The following GALE variants were observed in gnomAD, a reference collection of about 807,000 sequenced individuals.
GALE encodes UDP-galactose-4-epimerase.
In GALE, 32 loss-of-function variants were observed where a neutral mutation model predicts 44.1. The ratio of observed to expected loss-of-function variants is 0.73; its 90% CI spans 0.55 to 0.97. The LOEUF (loss-of-function observed/expected upper bound fraction) is 0.97. Ranked by LOEUF, GALE falls within the 50% of genes least tolerant of loss-of-function variation. The pLI, the probability that GALE is intolerant of heterozygous loss-of-function variation, is 0.00. For synonymous variants in GALE, 182 were observed against 183.5 expected (o/e 0.99, Z 0.06); for missense variants, 423 against 455.6 (o/e 0.93, Z 0.65).
Position 23,795,862 on chromosome 1 carries a change from C to T in GALE, c.*87G>A. The T allele has an allele frequency of 2.2e-6, 3 of 1,384,760 alleles. No individual in the cohort carries two copies. The highest frequency in any genetic ancestry group is 3.1e-6 in the Non-Finnish European group (3 of 982,428). 85.8% of individuals were successfully genotyped at this position (1,384,760 alleles called of 1,614,324 possible). A position where few individuals can be genotyped will look rare whatever the true frequency, so the allele number is the denominator to read the frequency against. On this transcript the variant is annotated 3_prime_UTR_variant, in exon 12 of 12. Coordinates refer to ENST00000617979, the MANE Select transcript of GALE (RefSeq NM_001008216.2). ...GAGGTAGGGGAGGCCTTGGCTTGGC[C>T]CCAGCAGCTCCAGGGCCCTGAGTTC... is the stretch of plus-strand genomic sequence containing the variant.
At chr1:23,800,172 C>T in intron 1 of GALE, 1 of 152,430 alleles carries the variant, frequency 6.6e-6, no homozygotes, top group Middle Eastern at 3.4e-3. Context: ...CTGGCGACAG[C>T]GGGCTGGAAT....
Position 23,796,311 on chromosome 1 carries a change from C to G in GALE, c.874-46G>C. ...GGAGCTTAGCTGAGCCGGCCCTGGC[C>G]CAGCTGCTGGCCAGGTCTTTAAGAA... On this transcript the variant is annotated intron_variant, in intron 10 of 11. Transcript: ENST00000617979. The surrounding 1 kb of genome is among the most constrained non-coding windows in gnomAD (Gnocchi z 5.2). 1 of 1,565,784 alleles carries G rather than the reference C, an allele frequency of 6.4e-7. No individual in the cohort carries two copies. The highest frequency in any genetic ancestry group is 8.8e-7 in the Non-Finnish European group (1 of 1,135,926).
At chr1:23,797,551 AG>A in intron 6 of GALE, 143 bp downstream of exon 6, 1 of 791,002 alleles carries the variant, frequency 1.3e-6, no homozygotes, top group Admixed American at 2.1e-5. Context: ...AGAAACAAGC[AG>A]GGGATGGGGC....
In GALE at chr1:23,797,018, T is replaced by C. The variant is rs1197705143; in HGVS notation, c.642+16A>G. On this transcript the variant is annotated intron_variant, in intron 7 of 11. Transcript: ENST00000617979. Reference sequence around the variant, plus strand: ...AACCCCAGGGCCACTCCTCTGTCCCTTCCCTTTTGCCTTACCTGGGAGACA... The same window carrying C: ...AACCCCAGGGCCACTCCTCTGTCCCCTCCCTTTTGCCTTACCTGGGAGACA... 1 of 1,610,316 alleles carries C rather than the reference T, an allele frequency of 6.2e-7. No homozygotes were observed. The highest frequency in any genetic ancestry group is 8.5e-7 in the Non-Finnish European group (1 of 1,177,800).
intron 6 of GALE, 54 bp downstream of exon 6, chr1:23,797,641 C>T (rs537346423): frequency 3.8e-6 from 6 of 1,563,720 alleles, no homozygotes; most frequent in Non-Finnish European, 5.3e-6. Flanking sequence ...TCAGGGTGGG[C>T]CCTGAGGAGT....
chr1:23,797,970 T>C lies in GALE; in HGVS notation c.352-99A>G, dbSNP rs1639013581. On this transcript the variant is annotated intron_variant, in intron 5 of 11. Transcript: ENST00000617979. ...AATGGGGCTGAGGTGATGAGCACTC[T>C]CATTTACAGATGGGGAAACTGAGAC... 3.6e-6 allele frequency: 5 copies of C among 1,386,714 alleles called. No individual in the cohort carries two copies. In the East Asian group the frequency reaches 1.1e-4, roughly 32 times the overall value. 85.9% of individuals were successfully genotyped at this position (1,386,714 alleles called of 1,614,324 possible). A position where few individuals can be genotyped will look rare whatever the true frequency, so the allele number is the denominator to read the frequency against.
intron 6 of GALE, among the ~76,000 whole-genome samples, 164 bp from the exon 7 acceptor site, chr1:23,797,311 C>T (rs1638990585): frequency 6.6e-6 from 1 of 152,118 alleles, no homozygotes; most frequent in South Asian, 2.1e-4. Flanking sequence ...CTCTGCCTTC[C>T]AGGTTCAAGC....
Position 23,798,767 on chromosome 1 carries a change from G to T in GALE, c.122-37C>A. 1 of 1,606,738 alleles carries T rather than the reference G, an allele frequency of 6.2e-7. No homozygotes were observed. Among genetic ancestry groups the T allele is most frequent in the Non-Finnish European group, 8.5e-7 (1 of 1,173,222 alleles). On this transcript the variant is annotated intron_variant, in intron 3 of 11. Coordinates refer to ENST00000617979, the MANE Select transcript of GALE (RefSeq NM_001008216.2). The surrounding 1 kb of genome is among the most constrained non-coding windows in gnomAD (Gnocchi z 4.5). Reference sequence around the variant, plus strand: ...CATGTAGGCCACATCATCACGACATGGGGTGCTGTGTTCCCAGGGACTAGC... The same window carrying T: ...CATGTAGGCCACATCATCACGACATTGGGTGCTGTGTTCCCAGGGACTAGC...
intron 2 of GALE, 48 bp downstream of exon 2, chr1:23,799,318 G>A: frequency 2.3e-6 from 1 of 431,604 alleles, no homozygotes; most frequent in Non-Finnish European, 4.3e-6. Flanking sequence ...CCACAGCAGA[G>A]CTGGGGAGAC....
Position 23,796,709 on chromosome 1 carries a change from C to G in GALE, c.783G>C (p.Gln261His). Reference sequence around the variant, plus strand: ...CTTCTCTTCCTACCCGGCAGCCACACTGTTCTTTCAGCTTCCTTAAGGCTG... The same window carrying G: ...CTTCTCTTCCTACCCGGCAGCCACAGTGTTCTTTCAGCTTCCTTAAGGCTG... ...HIAALRKLKE[Q>H]CGCRIYNLGT... The change falls in exon 9 of 12, where the codon CAG (glutamine) becomes CAC (histidine). Residue 261 changes from glutamine (Q) to histidine (H), a missense_variant. By Grantham distance (24) the Gln-to-His change is conservative (BLOSUM62 0). Coordinates refer to ENST00000617979, the MANE Select transcript of GALE (RefSeq NM_001008216.2). The surrounding 1 kb of genome is among the most constrained non-coding windows in gnomAD (Gnocchi z 5.2). 1.9e-6 allele frequency: 3 copies of G among 1,613,322 alleles called. No homozygotes were observed. Among genetic ancestry groups the G allele is most frequent in the Non-Finnish European group, 2.5e-6 (3 of 1,179,708 alleles).
chr1:23,799,130 C>A, intron 2 of GALE, 118 bp from the exon 3 acceptor site: 1 of 1,380,934 alleles, frequency 7.2e-7, no homozygotes, highest in East Asian at 2.4e-5. Flanking sequence ...GCCCTAGGTA[C>A]CAGACTGGCT....
rs1408002510 is a variant in GALE at position 23,798,608 on chromosome 1, C to T, written c.237+7G>A. 1 of 1,600,882 alleles carries T rather than the reference C, an allele frequency of 6.2e-7. No individual in the cohort carries two copies. The highest frequency in any genetic ancestry group is 2.2e-5 in the East Asian group (1 of 44,822). ...GGCGTGAGCCACCGTGCCCAGCCTG[C>T]ACCCACCTTTTTGAAGAGACGCTGT... On this transcript the variant is annotated splice_region_variant and intron_variant, in intron 4 of 11. Coordinates refer to ENST00000617979, the MANE Select transcript of GALE (RefSeq NM_001008216.2). This position sits in a 1 kb window ranked among gnomAD's most constrained non-coding sequence, Gnocchi z 4.5.
In GALE at chr1:23,797,107, C is replaced by T. The variant is rs1427994746; in HGVS notation, c.569G>A (p.Gly190Asp). 2 of 1,613,154 alleles carry T rather than the reference C, an allele frequency of 1.2e-6. No homozygotes were observed. Among genetic ancestry groups the T allele is most frequent in the South Asian group, 1.1e-5 (1 of 90,744 alleles). Reference protein sequence around the residue: ...AVLLRYFNPTGAHASGCIGED... With the variant: ...AVLLRYFNPTDAHASGCIGED... The stretch of plus-strand genomic sequence containing the variant: ...ACCAATGCAGCCAGAGGCATGGGCA[C>T]CTGTGGGGTTGAAATAGCGCAGCAG... The change falls in exon 7 of 12, where the codon GGT becomes GAT. Residue 190 changes from glycine to aspartate, a missense_variant. Gly to Asp is a moderately conservative substitution (Grantham distance 94). Transcript: ENST00000617979.
In GALE at chr1:23,796,024, T is replaced by C. The variant is rs1474253033; in HGVS notation, c.989-17A>G. ...GATCCTCACCTGCAACACGGCGAGGTGTGTGCTCAGGGCCCACGGTGGAAT... is the reference window on the plus strand; with the variant it reads ...GATCCTCACCTGCAACACGGCGAGGCGTGTGCTCAGGGCCCACGGTGGAAT... On this transcript the variant is annotated splice_polypyrimidine_tract_variant and intron_variant, in intron 11 of 11. Coordinates refer to ENST00000617979, the MANE Select transcript of GALE (RefSeq NM_001008216.2). This position sits in a 1 kb window ranked among gnomAD's most constrained non-coding sequence, Gnocchi z 5.2. 1 of 1,613,664 alleles carries C rather than the reference T, an allele frequency of 6.2e-7. No individual in the cohort carries two copies. Among genetic ancestry groups the C allele is most frequent in the South Asian group, 1.1e-5 (1 of 91,006 alleles).
At position 23,795,928 on chromosome 1, in the gene GALE, G is replaced by A. The variant is rs760513477; in HGVS notation, c.*21C>T. On this transcript the variant is annotated 3_prime_UTR_variant, in exon 12 of 12. Transcript: ENST00000617979. ...GAGCAGGCAGCTGCTGCTTTTCCTG[G>A]TCCTTGGTAGGGGAGGGTCCTCAGG... 6.2e-7 allele frequency: 1 copy of A among 1,611,548 alleles called. No homozygotes were observed. Among genetic ancestry groups the A allele is most frequent in the Non-Finnish European group, 8.5e-7 (1 of 1,178,322 alleles).
Position 23,798,132 on chromosome 1 carries a change from G to C in GALE, c.336C>G (p.Thr112=). The C allele has an allele frequency of 6.2e-7, 1 of 1,613,582 alleles. No homozygotes were observed. The highest frequency in any genetic ancestry group is 1.1e-5 in the South Asian group (1 of 91,072). Reference sequence around the variant, plus strand: ...TGCCTCTCACCTCCAGAAGCTGGATGGTCCCGGTCAGGTTAACTCTGTAAT... The same window carrying C: ...TGCCTCTCACCTCCAGAAGCTGGATCGTCCCGGTCAGGTTAACTCTGTAAT... ...LDYYRVNLTG[T]IQLLEIMKAH... is the part of the protein sequence containing the mutation. Residue 112 remains threonine, a synonymous_variant, in exon 5 of 12, where the codon ACC becomes ACG. Coordinates refer to ENST00000617979, the MANE Select transcript of GALE (RefSeq NM_001008216.2). The surrounding 1 kb of genome is among the most constrained non-coding windows in gnomAD (Gnocchi z 4.5).
In GALE at chr1:23,798,241, G is replaced by T; in HGVS notation, c.238-11C>A. ...CGCCATAAAGCTGTACTGCAGGGGTGACATGGCCAGAGGTTGCTCTACTGG... is the reference window on the plus strand; with the variant it reads ...CGCCATAAAGCTGTACTGCAGGGGTTACATGGCCAGAGGTTGCTCTACTGG... On this transcript the variant is annotated splice_polypyrimidine_tract_variant and intron_variant, in intron 4 of 11. Transcript: ENST00000617979. This position sits in a 1 kb window ranked among gnomAD's most constrained non-coding sequence, Gnocchi z 4.5. 1 of 1,599,280 alleles carries T rather than the reference G, an allele frequency of 6.3e-7. No homozygotes were observed. Among genetic ancestry groups the T allele is most frequent in the Non-Finnish European group, 8.6e-7 (1 of 1,166,752 alleles).
Position 23,796,644 on chromosome 1 carries a change from G to A in GALE, c.795+53C>T, listed in dbSNP as rs1193612295. ...GCTGGACTGACCACGCCTCTGGGCC[G>A]CTCTGCCTGGATCTGGTCCCTCCCC... On this transcript the variant is annotated intron_variant, in intron 9 of 11. Transcript: ENST00000617979. This position sits in a 1 kb window ranked among gnomAD's most constrained non-coding sequence, Gnocchi z 5.2. The A allele has an allele frequency of 6.4e-5, 104 of 1,613,780 alleles. No individual in the cohort carries two copies. In the East Asian group the frequency reaches 2.1e-3, roughly 32 times the overall value.
Position 23,798,700 on chromosome 1 carries a change from C to T in GALE, c.152G>A (p.Arg51Gln), listed in dbSNP as rs758803977. Reference protein sequence around the residue: ...GGGSLPESLRRVQELTGRSVE... With the variant: ...GGGSLPESLRQVQELTGRSVE... ...AGAGCGGCCTGTCAGCTCCTGGACC[C>T]GCCGCAGGCTCTCAGGCAGGGAGCC... The change falls in exon 4 of 12, where the codon CGG (arginine) becomes CAG (glutamine). Residue 51 changes from arginine (R) to glutamine (Q), a missense_variant. Transcript: ENST00000617979. The surrounding 1 kb of genome is among the most constrained non-coding windows in gnomAD (Gnocchi z 4.5). The T allele has an allele frequency of 5.6e-6, 9 of 1,613,910 alleles. No homozygotes were observed. In the Admixed American group the frequency reaches 8.3e-5, roughly 15 times the overall value.
Sources: gnomAD v4.1 joint callset for allele counts (sites outside exome capture counted in the v4.1 genomes callset) on GRCh38, gnomAD v4.1.1 for gene constraint, Gnocchi (gnomAD v3.1) non-coding constraint, MANE v1.5 for transcripts, NCBI Gene and HGNC (gene_info 2026-07-23, HGNC 2026-07-21) for gene names.